Variants in PCNX4 observed in about 807,000 individuals in gnomAD.
The protein encoded by PCNX4 is pecanex-like protein 4.
Under a neutral mutation model 107.2 loss-of-function variants are expected in PCNX4, and 103 were observed. That is an observed-to-expected ratio of 0.96 (90% CI 0.82 to 1.13). The LOEUF is 1.13. Ranked by LOEUF, PCNX4 falls within the 50% of genes most tolerant of loss-of-function variation. The pLI, the probability that PCNX4 is intolerant of heterozygous loss-of-function variation, is 0.00. For missense variants in PCNX4, 1,528 were observed against 1,379.4 expected (o/e 1.11, Z -1.71); for synonymous variants, 541 against 481.7 (o/e 1.12, Z -1.61).
At chr14:60,125,291 G>A (rs769202723) in intron 9 of PCNX4, 40 bp downstream of exon 9, 1 of 1,433,778 alleles carries the variant, frequency 7.0e-7, no homozygotes, top group Admixed American at 3.0e-5. Flanking sequence ...AACATTGTTG[G>A]AAAAATACTG....
rs1363696700 is a variant in PCNX4 at position 60,136,006 on chromosome 14, A to G, written c.*1785A>G. The stretch of plus-strand genomic sequence containing the variant: ...TTCGCTTAACCTTGCATCCTCCTCA[A>G]AGTGCTCCCATATCTCCATTTCATT... On this transcript the variant is annotated 3_prime_UTR_variant, in exon 11 of 11. Coordinates refer to ENST00000406854, the MANE Select transcript of PCNX4 (RefSeq NM_001330177.2). The G allele has an allele frequency of 1.3e-5, 2 of 152,048 alleles. No individual in the cohort carries two copies. The highest frequency in any genetic ancestry group is 4.8e-5 in the African/African-American group (2 of 41,370). 9.4% of individuals were successfully genotyped at this position (152,048 alleles called of 1,614,324 possible). A position where few individuals can be genotyped will look rare whatever the true frequency, so the allele number is the denominator to read the frequency against.
In PCNX4 at chr14:60,115,243, C is replaced by T. The variant is rs751838931; in HGVS notation, c.1139C>T (p.Ser380Leu). 6.2e-7 allele frequency: 1 copy of T among 1,612,960 alleles called. No individual in the cohort carries two copies. The highest frequency in any genetic ancestry group is 8.5e-7 in the Non-Finnish European group (1 of 1,179,152). The change falls in exon 4 of 11, where the codon TCA (serine) becomes TTA (leucine). Residue 380 changes from serine (S) to leucine (L), a missense_variant. Ser to Leu is a moderately radical substitution (Grantham distance 145). Transcript: ENST00000406854. ...TSLLHHFAGF[S>L]QISKSNSQAI... ...TTGCTTCATCACTTTGCTGGCTTCT[C>T]ACAGATTTCTAAAAGCAATTCCCAG...
In PCNX4 at chr14:60,137,663, T is replaced by C. The variant is rs1254383465; in HGVS notation, c.*3442T>C. ...AGATAATGAGCTATACAACACAGGG[T>C]CTAAAATTACTATGTTTAGTGTGTT... On this transcript the variant is annotated 3_prime_UTR_variant, in exon 11 of 11. Transcript: ENST00000406854. 1 of 152,028 alleles carries C rather than the reference T, an allele frequency of 6.6e-6. No individual in the cohort carries two copies. The highest frequency in any genetic ancestry group is 1.5e-5 in the Non-Finnish European group (1 of 68,002). 9.4% of individuals were successfully genotyped at this position (152,028 alleles called of 1,614,324 possible). A position where few individuals can be genotyped will look rare whatever the true frequency, so the allele number is the denominator to read the frequency against.
At chr14:60,128,164 GAA>G (rs76056976) in intron 10 of PCNX4, among the ~76,000 whole-genome samples, 7 of 151,760 alleles carry the variant, frequency 4.6e-5, no homozygotes, top group Admixed American at 2.0e-4. Flanking sequence ...AGAGAAGGGA[GAA>G]AAAAAATTAT....
Position 60,125,182 on chromosome 14 carries a change from C to G in PCNX4, c.3011C>G (p.Pro1004Arg). 1 of 1,611,244 alleles carries G rather than the reference C, an allele frequency of 6.2e-7. No individual in the cohort carries two copies. The highest frequency in any genetic ancestry group is 2.2e-5 in the East Asian group (1 of 44,832). The change falls in exon 9 of 11, where the codon CCT becomes CGT. Residue 1004 changes from proline to arginine, a missense_variant. Coordinates refer to ENST00000406854, the MANE Select transcript of PCNX4 (RefSeq NM_001330177.2). Reference protein sequence around the residue: ...HILRVYGGVLPWSVALDWLTE... With the variant: ...HILRVYGGVLRWSVALDWLTE... ...TTGAGAGTTTACGGTGGTGTTTTGC[C>G]TTGGTCTGTTGCTTTGGACTGGCTC... is the stretch of plus-strand genomic sequence containing the variant.
chr14:60,109,050 G>A (rs1159871718), intron 2 of PCNX4: 1 of 166,956 alleles, frequency 6.0e-6, no homozygotes, highest in African/African-American at 2.4e-5. Context: ...AGGCCTTTGG[G>A]AGGTAATTAG....
Position 60,116,022 on chromosome 14 carries a change from T to A in PCNX4, c.1540T>A (p.Trp514Arg). 5.6e-6 allele frequency: 9 copies of A among 1,612,722 alleles called. No individual in the cohort carries two copies. The highest frequency in any genetic ancestry group is 5.9e-6 in the Non-Finnish European group (7 of 1,179,334). ...CTTGATCTCCAGTACAGACATATGGTGGAACAGAAGCCTGGATACAGGACT... is the reference window on the plus strand; with the variant it reads ...CTTGATCTCCAGTACAGACATATGGAGGAACAGAAGCCTGGATACAGGACT... ...VHLISSTDIW[W>R]NRSLDTGLRL... is the part of the protein sequence containing the mutation. Residue 514 changes from tryptophan to arginine, a missense_variant, in exon 6 of 11, where the codon TGG becomes AGG. Trp to Arg is a moderately radical substitution (Grantham distance 101). Coordinates refer to ENST00000406854, the MANE Select transcript of PCNX4 (RefSeq NM_001330177.2).
rs1158019287 is a variant in PCNX4 at position 60,144,897 on chromosome 14, A to G, written c.*10676A>G. The G allele has an allele frequency of 2.4e-6, 3 of 1,276,372 alleles. No individual in the cohort carries two copies. Among genetic ancestry groups the G allele is most frequent in the African/African-American group, 1.5e-5 (1 of 66,292 alleles). 79.1% of individuals were successfully genotyped at this position (1,276,372 alleles called of 1,614,324 possible). The stretch of plus-strand genomic sequence containing the variant: ...AATTAGTCTTTGATTATTCAGAAGC[A>G]TAAGAAGATTGCTGTTTTCATGTTT... On this transcript the variant is annotated 3_prime_UTR_variant, in exon 11 of 11. Coordinates refer to ENST00000406854, the MANE Select transcript of PCNX4 (RefSeq NM_001330177.2).
In PCNX4 at chr14:60,114,865, G is replaced by A. The variant is rs764342857; in HGVS notation, c.855G>A (p.Met285Ile). The A allele has an allele frequency of 4.3e-6, 7 of 1,610,300 alleles. No homozygotes were observed. The highest frequency in any genetic ancestry group is 5.9e-6 in the Non-Finnish European group (7 of 1,178,614). ...VLEFGLGGSS[M>I]STHLRLLVMF... is the part of the protein sequence containing the mutation. Reference sequence around the variant, plus strand: ...AGTTCGGCCTTGGAGGCTCATCTATGTCAACCCACTTACGGTATTTATTTT... The same window carrying A: ...AGTTCGGCCTTGGAGGCTCATCTATATCAACCCACTTACGGTATTTATTTT... The change falls in exon 3 of 11, where the codon ATG becomes ATA. Residue 285 changes from methionine to isoleucine, a missense_variant. By Grantham distance (10) the Met-to-Ile change is conservative (BLOSUM62 1). Transcript: ENST00000406854.
intron 2 of PCNX4, among the ~76,000 whole-genome samples, chr14:60,113,412 A>G (rs1895777802): frequency 6.6e-6 from 1 of 152,154 alleles, no homozygotes; most frequent in South Asian, 2.1e-4. Context: ...CTTGTTGCCC[A>G]GGCTGGAGTG....
intron 9 of PCNX4, 113 bp downstream of exon 9, chr14:60,125,364 T>A: frequency 2.6e-6 from 3 of 1,152,782 alleles, no homozygotes; most frequent in African/African-American, 1.6e-5. Flanking sequence ...ATTTACTTTC[T>A]TCAAAATGAA....
chr14:60,094,754 C>T (rs1224443349), intron 1 of PCNX4, among the ~76,000 whole-genome samples: 1 of 60,208 alleles, frequency 1.7e-5, no homozygotes, highest in Non-Finnish European at 5.2e-5. Context: ...ACTTGTGTTG[C>T]TGTAGAGCCC....
intron 1 of PCNX4, among the ~76,000 whole-genome samples, chr14:60,097,456 G>GA (rs1895446785): frequency 1.3e-5 from 2 of 152,164 alleles, no homozygotes; most frequent in African/African-American, 4.8e-5. Flanking sequence ...GCACCTTCAG[G>GA]GTGGAATATC....
intron 10 of PCNX4, among the ~76,000 whole-genome samples, chr14:60,132,548 G>T (rs1378185993): frequency 3.9e-5 from 6 of 151,946 alleles, no homozygotes; most frequent in African/African-American, 1.5e-4. Flanking sequence ...CTTAAACTTG[G>T]CAATAGATTC....
intron 10 of PCNX4, among the ~76,000 whole-genome samples, chr14:60,128,742 AAAC>A (rs1383088678): frequency 2.0e-5 from 3 of 152,212 alleles, no homozygotes; most frequent in African/African-American, 7.2e-5. Context: ...CAATTCTATA[AAAC>A]AATATGTATT....
intron 10 of PCNX4, among the ~76,000 whole-genome samples, chr14:60,132,443 AC>A (rs1896171365): frequency 6.6e-6 from 1 of 152,164 alleles, no homozygotes; most frequent in Non-Finnish European, 1.5e-5. Flanking sequence ...TACTTTATAT[AC>A]GGTATTTTTA....
At chr14:60,099,742 C>T (rs1032943720) in intron 1 of PCNX4, among the ~76,000 whole-genome samples, 25 of 152,268 alleles carry the variant, frequency 1.6e-4, no homozygotes, top group African/African-American at 5.8e-4. Flanking sequence ...TCTTTTCTAG[C>T]ATCTTCTAAC....
intron 1 of PCNX4, among the ~76,000 whole-genome samples, chr14:60,104,508 G>T (rs1895594512): frequency 6.6e-6 from 1 of 152,124 alleles, no homozygotes; most frequent in East Asian, 1.9e-4. Flanking sequence ...TCAAGATGTG[G>T]CCTCTGTATT....
chr14:60,117,722 T>G (rs1895877718), intron 6 of PCNX4, among the ~76,000 whole-genome samples: 1 of 152,154 alleles, frequency 6.6e-6, no homozygotes, highest in Non-Finnish European at 1.5e-5. Flanking sequence ...TTTATCTAGT[T>G]TTCTTTCCTT....
Sources: gnomAD v4.1 joint callset for allele counts (sites outside exome capture counted in the v4.1 genomes callset) on GRCh38, gnomAD v4.1.1 for gene constraint, MANE v1.5 for transcripts, NCBI Gene and HGNC (gene_info 2026-07-23, HGNC 2026-07-21) for gene names.